The following TRAPPC11 variants were observed in gnomAD, a reference collection of about 807,000 sequenced individuals.
TRAPPC11 encodes the protein foie gras homolog.
In TRAPPC11, 104 loss-of-function variants were observed where a neutral mutation model predicts 151.2. That is an observed-to-expected ratio of 0.69 (90% CI 0.59 to 0.81). The LOEUF is 0.81. Ranked by LOEUF, TRAPPC11 falls within the 30% of genes least tolerant of loss-of-function variation. The pLI, the probability that TRAPPC11 is intolerant of heterozygous loss-of-function variation, is 0.00. For missense variants in TRAPPC11, 1,230 were observed against 1,349.6 expected, an observed-to-expected ratio of 0.91 and a Z score of 1.39; for synonymous variants, 456 against 472.3, an observed-to-expected ratio of 0.97 and a Z score of 0.45.
At chr4:183,667,341 TC>T (rs1734935683) in intron 4 of TRAPPC11, among the ~76,000 whole-genome samples, 1 of 152,182 alleles carries the variant, frequency 6.6e-6, no homozygotes, top group Non-Finnish European at 1.5e-5. Flanking sequence ...TTCCCCTAGT[TC>T]CCCTGTTCCA....
intron 8 of TRAPPC11, among the ~76,000 whole-genome samples, chr4:183,678,660 T>C (rs1270136730): frequency 1.3e-5 from 2 of 152,186 alleles, no homozygotes; most frequent in Non-Finnish European, 2.9e-5. Flanking sequence ...TACTTATCTG[T>C]GTGTAGAATA....
In TRAPPC11 at chr4:183,691,307, C is replaced by CT; in HGVS notation, c.1894-4dup. 6.8e-7 allele frequency: 1 copy of CT among 1,478,764 alleles called. No homozygotes were observed. Among genetic ancestry groups the CT allele is most frequent in the Non-Finnish European group, 9.1e-7 (1 of 1,101,114 alleles). The allele number at this position is 1,478,764 out of a possible 1,614,324, so 91.6% of individuals were successfully genotyped here. On this transcript the variant is annotated splice_polypyrimidine_tract_variant and intron_variant, in intron 18 of 29. Coordinates refer to ENST00000334690, the MANE Select transcript of TRAPPC11 (RefSeq NM_021942.6). ...CTGACATTTGATGACCCCTGTTCACCTTTTTCAGGAATACAACCAGTTCTG... is the reference window on the plus strand; with the variant it reads ...CTGACATTTGATGACCCCTGTTCACCTTTTTTCAGGAATACAACCAGTTCTG...
At chr4:183,687,187 T>C (rs1053744434) in intron 18 of TRAPPC11, among the ~76,000 whole-genome samples, 1 of 151,934 alleles carries the variant, frequency 6.6e-6, no homozygotes, top group Non-Finnish European at 1.5e-5. Flanking sequence ...TCAAAAAATA[T>C]ATATATATAT....
chr4:183,707,632 G>A (rs1737140436), intron 28 of TRAPPC11, among the ~76,000 whole-genome samples: 2 of 152,198 alleles, frequency 1.3e-5, no homozygotes, highest in South Asian at 4.1e-4. Context: ...ACACCTGGAA[G>A]TGTCTATCCT....
chr4:183,695,262 C>T (rs1335442657), intron 23 of TRAPPC11, among the ~76,000 whole-genome samples: 1 of 151,880 alleles, frequency 6.6e-6, no homozygotes, highest in Non-Finnish European at 1.5e-5. Flanking sequence ...TATGGCTTTT[C>T]GTATAGAGGA....
chr4:183,691,542 A>G (rs1579202291), intron 19 of TRAPPC11, 71 bp downstream of exon 19: 1 of 962,992 alleles, frequency 1.0e-6, no homozygotes, highest in Non-Finnish European at 1.4e-6. Context: ...TTTAAATAAT[A>G]CAAAAGTTGA....
In TRAPPC11 at chr4:183,697,809, A is replaced by G. The variant is rs202094535; in HGVS notation, c.2825A>G (p.Asp942Gly). The G allele has an allele frequency of 6.2e-7, 1 of 1,613,790 alleles. No individual in the cohort carries two copies. The highest frequency in any genetic ancestry group is 8.5e-7 in the Non-Finnish European group (1 of 1,180,006). Residue 942 changes from aspartate (D) to glycine (G), a missense_variant, in exon 25 of 30, where the codon GAC becomes GGC. By Grantham distance (94) the Asp-to-Gly change is moderately conservative (BLOSUM62 -1). Transcript: ENST00000334690. ...CTTGCTCCATCCATGACCACAGTGG[A>G]CCAGCTCGAGTCTCAAGTGGACAAT... The part of the protein sequence containing the change: ...LQLAPSMTTV[D>G]QLESQVDNVI...
intron 19 of TRAPPC11, 91 bp downstream of exon 19, chr4:183,691,562 A>C: frequency 1.2e-6 from 1 of 844,630 alleles, no homozygotes; most frequent in Non-Finnish European, 1.6e-6. Context: ...ATTAAGTAAA[A>C]AATGAAAATC....
chr4:183,706,787 T>C lies in TRAPPC11; in HGVS notation c.3056-20T>C. ...GAGCTATTTTTTAAACCAAGAGAAGTGTGTCATCTTTCTCTGTAGATCTGC... is the reference window on the plus strand; with the variant it reads ...GAGCTATTTTTTAAACCAAGAGAAGCGTGTCATCTTTCTCTGTAGATCTGC... On this transcript the variant is annotated intron_variant, in intron 27 of 29. Transcript: ENST00000334690. 2 of 1,601,782 alleles carry C rather than the reference T, an allele frequency of 1.2e-6. No homozygotes were observed. Among genetic ancestry groups the C allele is most frequent in the Non-Finnish European group, 1.7e-6 (2 of 1,172,338 alleles).
intron 25 of TRAPPC11, among the ~76,000 whole-genome samples, chr4:183,700,320 T>A (rs1157688312): frequency 6.6e-6 from 1 of 152,216 alleles, no homozygotes; most frequent in African/African-American, 2.4e-5. Flanking sequence ...CAAAGGTTGA[T>A]CCAGCTTTTT....
At chr4:183,671,555 G>A (rs907167029) in intron 5 of TRAPPC11, among the ~76,000 whole-genome samples, 1 of 152,114 alleles carries the variant, frequency 6.6e-6, no homozygotes, top group Non-Finnish European at 1.5e-5. Flanking sequence ...TAAGTATACA[G>A]TAGTCCTCCT....
chr4:183,663,831 A>C lies in TRAPPC11; in HGVS notation c.-21-16A>C. On this transcript the variant is annotated splice_polypyrimidine_tract_variant and intron_variant, in intron 1 of 29. Coordinates refer to ENST00000334690, the MANE Select transcript of TRAPPC11 (RefSeq NM_021942.6). ...TTTAAAAATTAATTATGAATGTATT[A>C]ACATTTGTATTTCAGGTTTTTTGTG... 6.9e-7 allele frequency: 1 copy of C among 1,445,460 alleles called. No individual in the cohort carries two copies. The highest frequency in any genetic ancestry group is 9.4e-7 in the Non-Finnish European group (1 of 1,058,394). 89.5% of individuals were successfully genotyped at this position (1,445,460 alleles called of 1,614,324 possible).
At chr4:183,699,987 G>A (rs4286581) in intron 25 of TRAPPC11, among the ~76,000 whole-genome samples, 42,708 of 151,754 alleles carry the variant, frequency 0.28, 6,748 homozygotes, top group African/African-American at 0.44. Context: ...CACCACGCCC[G>A]GCTAATTTTT....
chr4:183,663,098 ACT>A (rs371566861), intron 1 of TRAPPC11, among the ~76,000 whole-genome samples: 7 of 151,852 alleles, frequency 4.6e-5, no homozygotes, highest in African/African-American at 1.5e-4. Flanking sequence ...ACAGAGTCTC[ACT>A]CTGTCACCCA....
chr4:183,684,519 A>G (rs1735863898), intron 14 of TRAPPC11, among the ~76,000 whole-genome samples, 160 bp downstream of exon 14: 1 of 152,222 alleles, frequency 6.6e-6, no homozygotes, highest in East Asian at 1.9e-4. Flanking sequence ...TGATGGCACA[A>G]TCTTTTTCAG....
Position 183,686,629 on chromosome 4 carries a change from G to C in TRAPPC11, c.1774G>C (p.Ala592Pro). Residue 592 changes from alanine to proline, a missense_variant, in exon 18 of 30, where the codon GCC becomes CCC. Coordinates refer to ENST00000334690, the MANE Select transcript of TRAPPC11 (RefSeq NM_021942.6). ...TGTTTTATTTCTAGTGCAGTGCAAA[G>C]CCAAGTTTCATGCCCCAAGTTTTCA... Reference protein sequence around the residue: ...QDFVPFVQCKAKFHAPSFHVD... With the variant: ...QDFVPFVQCKPKFHAPSFHVD... 6.2e-7 allele frequency: 1 copy of C among 1,614,026 alleles called. No individual in the cohort carries two copies. Among genetic ancestry groups the C allele is most frequent in the Non-Finnish European group, 8.5e-7 (1 of 1,179,962 alleles).
At chr4:183,663,512 C>T (rs59793022) in intron 1 of TRAPPC11, among the ~76,000 whole-genome samples, 279 of 152,166 alleles carry the variant, frequency 1.8e-3, no homozygotes, top group African/African-American at 6.4e-3. Context: ...GGATTACAGG[C>T]GTGAGTCACC....
intron 25 of TRAPPC11, among the ~76,000 whole-genome samples, chr4:183,699,427 C>A (rs1045659519): frequency 6.6e-5 from 10 of 152,274 alleles, no homozygotes; most frequent in African/African-American, 2.4e-4. Context: ...AAATATGGCT[C>A]CCTTACTAGA....
intron 21 of TRAPPC11, 89 bp downstream of exon 21, chr4:183,693,826 G>C: frequency 6.3e-7 from 1 of 1,595,186 alleles, no homozygotes; most frequent in Non-Finnish European, 8.6e-7. Context: ...TTGTTTACAA[G>C]AGGGTATGGC....
Sources: allele counts gnomAD v4.1 joint callset (sites outside exome capture counted in the v4.1 genomes callset), GRCh38; gene constraint gnomAD v4.1.1; transcripts MANE v1.5; gene names NCBI Gene and HGNC (gene_info 2026-07-23, HGNC 2026-07-21).